THSD4: variants seen among roughly 807,000 people sequenced by gnomAD.
THSD4 encodes the protein thrombospondin type 1 domain containing 4, also known as thrombospondin type-1 domain-containing protein 4.
A neutral mutation model predicts 119.0 loss-of-function variants in THSD4; 69 were observed. That is an observed-to-expected ratio of 0.58 (90% CI 0.48 to 0.71). The LOEUF is 0.71. Among genes scored for constraint, THSD4 ranks in the 30% least tolerant of loss-of-function variants. THSD4 has a pLI of 0.00. For synonymous variants in THSD4, 524 were observed against 540.4 expected, an observed-to-expected ratio of 0.97 and a Z score of 0.42; for missense variants, 1,393 against 1,391.1, an observed-to-expected ratio of 1.00 and a Z score of -0.02.
intron 6 of THSD4, among the ~76,000 whole-genome samples, chr15:71,395,914 G>GACAC (rs58433075): frequency 0.16 from 21,899 of 133,158 alleles, 1,879 homozygotes; most frequent in Middle Eastern, 0.24. Context: ...TTTGAAGAGA[G>GACAC]ACACACACAC....
At chr15:71,698,653 A>AATATATACATGCATGT (rs147515657) in intron 8 of THSD4, among the ~76,000 whole-genome samples, 3,890 of 139,922 alleles carry the variant, frequency 0.028, 202 homozygotes, top group African/African-American at 0.096. Context: ...ATATACATGA[A>AATATATACATGCATGT]ATATATACAT....
chr15:71,775,790 G>T (rs2053902409), intron 17 of THSD4, among the ~76,000 whole-genome samples: 1 of 152,166 alleles, frequency 6.6e-6, no homozygotes, highest in African/African-American at 2.4e-5. Flanking sequence ...AAGAGCCAAG[G>T]CTGTTTTGAT....
intron 3 of THSD4, among the ~76,000 whole-genome samples, chr15:71,180,494 G>A (rs1281236479): frequency 6.6e-6 from 1 of 152,032 alleles, no homozygotes; most frequent in Admixed American, 6.5e-5. Context: ...TCTGATTGTG[G>A]TGGTGGTTTC....
Position 71,543,116 on chromosome 15 carries a change from G to C in THSD4, c.1153-117414G>C, listed in dbSNP as rs114179153. 3.4e-3 allele frequency among the ~76,000 whole-genome samples: 520 copies of C among 152,260 alleles called. 10 individuals are homozygous for C. The highest frequency in any genetic ancestry group is 0.012 in the African/African-American group (485 of 41,558). On this transcript the variant is annotated intron_variant, in intron 7 of 17. Transcript: ENST00000261862. ...TGGGGAAATGTGAGTCTGTAGTTTAGTTAATATTATTGTGCCAATGTTAAC... is the reference window on the plus strand; with the variant it reads ...TGGGGAAATGTGAGTCTGTAGTTTACTTAATATTATTGTGCCAATGTTAAC...
At chr15:71,715,124 G>C (rs1041613942) in intron 8 of THSD4, among the ~76,000 whole-genome samples, 2 of 152,082 alleles carry the variant, frequency 1.3e-5, no homozygotes, top group Admixed American at 6.6e-5. Flanking sequence ...GTTCCCAAAG[G>C]ACATTAAAAT....
At chr15:71,716,487 T>C (rs1208079646) in intron 8 of THSD4, among the ~76,000 whole-genome samples, 1 of 152,046 alleles carries the variant, frequency 6.6e-6, no homozygotes, top group East Asian at 1.9e-4. Context: ...AGTACTACGC[T>C]AGAATCGCAC....
chr15:71,260,763 A>G (rs908053436), intron 6 of THSD4, among the ~76,000 whole-genome samples: 3 of 152,050 alleles, frequency 2.0e-5, no homozygotes, highest in Admixed American at 2.0e-4. Flanking sequence ...GGACTCTCTC[A>G]CCTGGTCTTG....
At chr15:71,156,631 AT>A (rs1214411465) in intron 3 of THSD4, among the ~76,000 whole-genome samples, 1 of 152,114 alleles carries the variant, frequency 6.6e-6, no homozygotes, top group Admixed American at 6.5e-5. Flanking sequence ...ATGTGCACAT[AT>A]TTGGCTAAAC....
intron 7 of THSD4, among the ~76,000 whole-genome samples, chr15:71,511,837 G>T (rs146956664): frequency 6.6e-6 from 1 of 152,276 alleles, no homozygotes; most frequent in East Asian, 1.9e-4. Flanking sequence ...CTTTAGCATC[G>T]ATAAGAAAAG....
chr15:71,152,676 C>T (rs995062624), intron 2 of THSD4, among the ~76,000 whole-genome samples: 8 of 152,096 alleles, frequency 5.3e-5, no homozygotes, highest in African/African-American at 1.4e-4. Flanking sequence ...ACGTTCCCAG[C>T]GGGACTGGTG....
chr15:71,508,014 G>T (rs897898086), intron 7 of THSD4, among the ~76,000 whole-genome samples: 1 of 152,186 alleles, frequency 6.6e-6, no homozygotes, highest in African/African-American at 2.4e-5. Flanking sequence ...AATGTCATTT[G>T]AAAATAATAG....
At chr15:71,502,097 A>G (rs2048120713) in intron 7 of THSD4, among the ~76,000 whole-genome samples, 2 of 152,250 alleles carry the variant, frequency 1.3e-5, no homozygotes, top group Admixed American at 1.3e-4. Context: ...TATTTTCATA[A>G]AATTCCAGAA....
intron 16 of THSD4, among the ~76,000 whole-genome samples, chr15:71,769,819 CT>C (rs929106765): frequency 1.7e-5 from 1 of 57,282 alleles, no homozygotes; most frequent in African/African-American, 9.7e-5. Context: ...AACCAGAGAC[CT>C]TTGTTCACTT....
chr15:71,617,632 C>T (rs2050342239), intron 7 of THSD4, among the ~76,000 whole-genome samples: 1 of 152,194 alleles, frequency 6.6e-6, no homozygotes, highest in African/African-American at 2.4e-5. Flanking sequence ...AATTGATATG[C>T]AGGTGTGGTG....
chr15:71,207,809 C>T (rs2043857233), intron 3 of THSD4, among the ~76,000 whole-genome samples: 1 of 152,196 alleles, frequency 6.6e-6, no homozygotes, highest in South Asian at 2.1e-4. Context: ...ACCATCTCTA[C>T]CCCCGCCACC....
At chr15:71,454,410 G>A (rs1286560786) in intron 7 of THSD4, among the ~76,000 whole-genome samples, 1 of 152,212 alleles carries the variant, frequency 6.6e-6, no homozygotes, top group African/African-American at 2.4e-5. Context: ...GAAAAGAAGG[G>A]TGGGATCATC....
intron 13 of THSD4, among the ~76,000 whole-genome samples, chr15:71,748,191 G>C (rs2053376109): frequency 6.6e-6 from 1 of 152,120 alleles, no homozygotes; most frequent in Non-Finnish European, 1.5e-5. Flanking sequence ...CAGTCAGCTG[G>C]GAGGCTTAGG....
intron 6 of THSD4, among the ~76,000 whole-genome samples, chr15:71,330,154 CGAG>C (rs1451904389): frequency 1.3e-5 from 2 of 151,502 alleles, no homozygotes; most frequent in Non-Finnish European, 2.9e-5. Flanking sequence ...CTGGGCCAAA[CGAG>C]GAGGGGTGGG....
chr15:71,362,970 TAAAAA>T (rs11287381), intron 6 of THSD4, among the ~76,000 whole-genome samples: 38 of 134,992 alleles, frequency 2.8e-4, no homozygotes, highest in Non-Finnish European at 2.8e-4. Flanking sequence ...GCTGATGAGC[TAAAAA>T]AAAAAAAAAA....
Sources: gnomAD v4.1 joint callset for allele counts (sites outside exome capture counted in the v4.1 genomes callset) on GRCh38, gnomAD v4.1.1 for gene constraint, MANE v1.5 for transcripts, NCBI Gene and HGNC (gene_info 2026-07-23, HGNC 2026-07-21) for gene names.